MAGI2: variants seen among roughly 807,000 people sequenced by gnomAD.
MAGI2 encodes membrane-associated guanylate kinase, WW and PDZ domain-containing protein 2.
In MAGI2, 35 loss-of-function variants were observed where a neutral mutation model predicts 133.3. The observed-to-expected ratio is 0.26, with a 90% CI of 0.20 to 0.35. The LOEUF is 0.35. Among genes scored for constraint, MAGI2 ranks in the 10% least tolerant of loss-of-function variants. MAGI2 has a pLI of 1.00. For missense variants in MAGI2, 1,636 were observed against 1,863.4 expected, an observed-to-expected ratio of 0.88 and a Z score of 2.25; for synonymous variants, 729 against 710.6, an observed-to-expected ratio of 1.03 and a Z score of -0.41.
intron 9 of MAGI2, among the ~76,000 whole-genome samples, chr7:78,257,478 C>A (rs914630107): frequency 6.6e-6 from 1 of 152,156 alleles, no homozygotes; most frequent in Non-Finnish European, 1.5e-5. Context: ...CCTTTCTCCC[C>A]AGTGAACTAT....
chr7:78,865,997 T>C (rs1794524970), intron 2 of MAGI2, among the ~76,000 whole-genome samples: 1 of 152,184 alleles, frequency 6.6e-6, no homozygotes, highest in African/African-American at 2.4e-5. Flanking sequence ...TTTTGACAAT[T>C]TGTTTCTTAG....
intron 6 of MAGI2, among the ~76,000 whole-genome samples, chr7:78,432,522 C>T (rs1021532787): frequency 1.3e-5 from 2 of 151,184 alleles, no homozygotes; most frequent in African/African-American, 2.4e-5. Flanking sequence ...TGTCTTTCTT[C>T]GTTGTTGATT....
intron 21 of MAGI2, among the ~76,000 whole-genome samples, chr7:78,023,022 T>C (rs1460970847): frequency 6.6e-6 from 1 of 151,984 alleles, no homozygotes. Context: ...TCTATATGAG[T>C]GGTTGAATAT....
At position 79,327,190 on chromosome 7, in the gene MAGI2, G is replaced by A. The variant is rs192409057; in HGVS notation, c.301+125830C>T. Among the ~76,000 whole-genome samples, 21 of 152,182 alleles carry A rather than the reference G, an allele frequency of 1.4e-4. No individual in the cohort carries two copies. In the East Asian group the frequency reaches 3.5e-3, roughly 25 times the overall value. On this transcript the variant is annotated intron_variant, in intron 1 of 21. Transcript: ENST00000354212. Reference sequence around the variant, plus strand: ...ATTTTTGGTCTGTAAGAGTATGCACGTCAAAAGATAGTAATGACGATTAAC... The same window carrying A: ...ATTTTTGGTCTGTAAGAGTATGCACATCAAAAGATAGTAATGACGATTAAC...
intron 1 of MAGI2, among the ~76,000 whole-genome samples, chr7:79,234,689 AT>A (rs1831711680): frequency 9.8e-6 from 1 of 101,720 alleles, no homozygotes; most frequent in Non-Finnish European, 2.5e-5. Flanking sequence ...CTAGTTATAC[AT>A]TCTTCTCAAT....
intron 1 of MAGI2, chr7:79,414,395 G>A (rs1338660574): frequency 6.6e-6 from 1 of 152,022 alleles, no homozygotes; most frequent in African/African-American, 2.4e-5. Flanking sequence ...CTCTACTAAG[G>A]TGGGTTATAA....
At chr7:78,077,723 A>ATTTTTT (rs1300577440) in intron 21 of MAGI2, among the ~76,000 whole-genome samples, 4 of 96,004 alleles carry the variant, frequency 4.2e-5, no homozygotes, top group African/African-American at 1.0e-4. Flanking sequence ...ACTCTTTAGA[A>ATTTTTT]TGTTTTTTTT....
intron 10 of MAGI2, chr7:78,254,257 G>A (rs1418046943): frequency 6.6e-6 from 1 of 152,106 alleles, no homozygotes; most frequent in African/African-American, 2.4e-5. Flanking sequence ...TTTCTGCTAT[G>A]TCATGCTTTT....
chr7:79,171,766 ATATATTTTTT>A lies in MAGI2; in HGVS notation c.302-164570_302-164561del, dbSNP rs1440278789. Among the ~76,000 whole-genome samples, 8 of 23,254 alleles carry A rather than the reference ATATATTTTTT, an allele frequency of 3.4e-4. 1 individual carries two copies. The highest frequency in any genetic ancestry group is 4.6e-4 in the African/African-American group (5 of 10,942). 15.3% of individuals were successfully genotyped at this position (23,254 alleles called of 152,430 possible). A position where few individuals can be genotyped will look rare whatever the true frequency, so the allele number is the denominator to read the frequency against. On this transcript the variant is annotated intron_variant, in intron 1 of 21. Coordinates refer to ENST00000354212, the MANE Select transcript of MAGI2 (RefSeq NM_012301.4). ...AAAATATATATATATATATATATATATATATTTTTTTTTTTTTTTTCTTTTAAAGGGTCTC... is the reference window on the plus strand; with the variant it reads ...AAAATATATATATATATATATATATATTTTTTTTTTCTTTTAAAGGGTCTC...
At chr7:79,171,770 A>ATATATATATATATATATATATATTT in intron 1 of MAGI2, among the ~76,000 whole-genome samples, 3 of 31,202 alleles carry the variant, frequency 9.6e-5, no homozygotes, top group African/African-American at 1.3e-4. Flanking sequence ...ATATATATAT[A>ATATATATATATATATATATATATTT]TTTTTTTTTT....
chr7:78,258,601 C>T (rs541032176), intron 9 of MAGI2, among the ~76,000 whole-genome samples: 32 of 151,902 alleles, frequency 2.1e-4, no homozygotes, highest in African/African-American at 7.0e-4. Flanking sequence ...TCTAGGTGTC[C>T]GTAAAAACAA....
At chr7:79,136,949 C>T (rs1262066247) in intron 1 of MAGI2, among the ~76,000 whole-genome samples, 1 of 152,086 alleles carries the variant, frequency 6.6e-6, no homozygotes, top group Non-Finnish European at 1.5e-5. Context: ...CAGGGGTCCA[C>T]CAGTAGGAAA....
chr7:79,035,549 G>A (rs902701903), intron 1 of MAGI2, among the ~76,000 whole-genome samples: 1 of 152,012 alleles, frequency 6.6e-6, no homozygotes, highest in Non-Finnish European at 1.5e-5. Context: ...ATAGGTAAAG[G>A]CATAATTATG....
intron 2 of MAGI2, among the ~76,000 whole-genome samples, chr7:78,641,204 G>T (rs533621847): frequency 6.6e-6 from 1 of 152,068 alleles, no homozygotes; most frequent in African/African-American, 2.4e-5. Context: ...ACAGTCTTGG[G>T]TATGTTCTCA....
intron 6 of MAGI2, chr7:78,484,326 T>A (rs1353685973): frequency 1.3e-5 from 2 of 151,968 alleles, no homozygotes; most frequent in South Asian, 2.1e-4. Context: ...GACACTTTTT[T>A]AAAAAGATAG....
chr7:78,651,063 A>T (rs1410853578), intron 2 of MAGI2, among the ~76,000 whole-genome samples: 1 of 152,168 alleles, frequency 6.6e-6, no homozygotes, highest in Non-Finnish European at 1.5e-5. Context: ...ATACTCTGTT[A>T]TCCTTGAAGA....
intron 3 of MAGI2, among the ~76,000 whole-genome samples, chr7:78,580,102 G>A (rs1472252487): frequency 2.0e-5 from 3 of 147,856 alleles, no homozygotes; most frequent in Non-Finnish European, 4.4e-5. Flanking sequence ...TGAATGTAAT[G>A]TGTTTATGTA....
At chr7:78,188,430 A>G (rs1827895667) in intron 12 of MAGI2, among the ~76,000 whole-genome samples, 1 of 152,200 alleles carries the variant, frequency 6.6e-6, no homozygotes, top group African/African-American at 2.4e-5. Flanking sequence ...AAGGATAACA[A>G]TAATGCTTTT....
chr7:78,030,490 T>A (rs1406536937), intron 21 of MAGI2, among the ~76,000 whole-genome samples: 2 of 152,082 alleles, frequency 1.3e-5, no homozygotes, highest in African/African-American at 4.8e-5. Context: ...CTCTTGACCT[T>A]ATGATCCACC....
Sources: gnomAD v4.1 joint callset for allele counts (sites outside exome capture counted in the v4.1 genomes callset) on GRCh38, gnomAD v4.1.1 for gene constraint, MANE v1.5 for transcripts, NCBI Gene and HGNC (gene_info 2026-07-23, HGNC 2026-07-21) for gene names.